Variants in ABCA13 observed in about 807,000 individuals in gnomAD.
ABCA13 encodes the protein ATP binding cassette subfamily A member 13, also known as ATP-binding cassette sub-family A member 13.
A neutral mutation model predicts 478.7 loss-of-function variants in ABCA13; 476 were observed. The ratio of observed to expected loss-of-function variants is 0.99; its 90% CI spans 0.92 to 1.07. The LOEUF (loss-of-function observed/expected upper bound fraction) is 1.07, where lower values mean the gene tolerates loss of function less well. Ranked by LOEUF, ABCA13 falls within the 50% of genes least tolerant of loss-of-function variation. The pLI is 0.00. For missense variants in ABCA13, 6,060 were observed against 5,910.6 expected (o/e 1.03, Z -0.83); for synonymous variants, 2,252 against 2,158.9 (o/e 1.04, Z -1.20).
At chr7:48,445,780 G>C (rs904300300) in intron 42 of ABCA13, among the ~76,000 whole-genome samples, 1 of 152,024 alleles carries the variant, frequency 6.6e-6, no homozygotes, top group Non-Finnish European at 1.5e-5. Flanking sequence ...GAGCTATCTC[G>C]TGTGTGGCTG....
rs558543202 is a variant in ABCA13, at chr7:48,363,809, A to G, written c.10689-3985A>G. Among the ~76,000 whole-genome samples, 6 of 151,970 alleles carry G rather than the reference A, an allele frequency of 3.9e-5. No individual in the cohort carries two copies. The East Asian group carries it at 1.2e-3, about 29-fold the overall frequency. On this transcript the variant is annotated intron_variant, in intron 31 of 61. Coordinates refer to ENST00000435803, the MANE Select transcript of ABCA13 (RefSeq NM_152701.5). ...TTTTATATCTTTCTGCTACTTTACCATCTCATTAACTCAATTCTAATGATT... is the reference window on the plus strand; with the variant it reads ...TTTTATATCTTTCTGCTACTTTACCGTCTCATTAACTCAATTCTAATGATT...
chr7:48,299,093 C>T (rs1176606691), intron 23 of ABCA13, among the ~76,000 whole-genome samples: 2 of 152,138 alleles, frequency 1.3e-5, no homozygotes, highest in African/African-American at 2.4e-5. Context: ...AAAAGGGGAA[C>T]GGGGACATCT....
chr7:48,337,288 A>G (rs1806416329), intron 28 of ABCA13, among the ~76,000 whole-genome samples: 1 of 152,176 alleles, frequency 6.6e-6, no homozygotes, highest in African/African-American at 2.4e-5. Context: ...GTAAAAGACA[A>G]CAGTACCCTC....
intron 42 of ABCA13, 46 bp downstream of exon 42, chr7:48,427,917 C>G: frequency 2.5e-5 from 33 of 1,304,806 alleles, no homozygotes; most frequent in Non-Finnish European, 3.5e-5. Context: ...GGAACAATGA[C>G]ACCAGCCTTA....
chr7:48,187,125 G>A (rs1437929776), intron 1 of ABCA13, among the ~76,000 whole-genome samples: 2 of 149,198 alleles, frequency 1.3e-5, no homozygotes, highest in African/African-American at 4.9e-5. Context: ...GTTGTTTAAA[G>A]GCCATTTAGC....
At chr7:48,202,948 C>T (rs1799012193) in intron 3 of ABCA13, among the ~76,000 whole-genome samples, 1 of 152,214 alleles carries the variant, frequency 6.6e-6, no homozygotes, top group Admixed American at 6.5e-5. Context: ...TGGGACTGGG[C>T]GCCGTGGAGC....
At chr7:48,357,017 G>C (rs1810033030) in intron 31 of ABCA13, among the ~76,000 whole-genome samples, 1 of 151,888 alleles carries the variant, frequency 6.6e-6, no homozygotes, top group Non-Finnish European at 1.5e-5. Context: ...CCACCACCCT[G>C]GGGTGGGTTC....
At chr7:48,364,845 T>A (rs1811431948) in intron 31 of ABCA13, among the ~76,000 whole-genome samples, 2 of 152,226 alleles carry the variant, frequency 1.3e-5, no homozygotes. Context: ...ATCTTAGCTA[T>A]TGTGAATAAG....
In ABCA13 at chr7:48,279,148, A is replaced by G. The variant is rs2128772610; in HGVS notation, c.7954A>G (p.Met2652Val). The change falls in exon 18 of 62, where the codon ATG (methionine) becomes GTG (valine). Residue 2652 changes from methionine (M) to valine (V), a missense_variant. Around this residue, in one of 3 missense-constraint regions of ABCA13, gnomAD observed 4,423 missense variants for 4,309.1 expected, o/e 1.03. Transcript: ENST00000435803. ...ATCTGTGAAAATGAACTTGGAAGAT[A>G]TGAGGAGTCTTGCGGTAGCATTTAA... ...LTSVKMNLED[M>V]RSLAVAFNNE... 2 of 1,606,610 alleles carry G rather than the reference A, an allele frequency of 1.2e-6. No homozygotes were observed. The highest frequency in any genetic ancestry group is 1.7e-6 in the Non-Finnish European group (2 of 1,176,822).
intron 15 of ABCA13, among the ~76,000 whole-genome samples, chr7:48,255,718 C>T (rs1349570757): frequency 6.6e-6 from 1 of 152,168 alleles, no homozygotes; most frequent in Non-Finnish European, 1.5e-5. Flanking sequence ...TCTTGATGGA[C>T]ATCTAGCTGG....
intron 48 of ABCA13, among the ~76,000 whole-genome samples, chr7:48,502,961 C>G (rs1449919204): frequency 1.3e-5 from 2 of 152,288 alleles, no homozygotes; most frequent in East Asian, 1.9e-4. Context: ...TTTAATTAAT[C>G]CTTTTTTTGT....
chr7:48,542,754 A>C (rs2131138722), intron 55 of ABCA13, among the ~76,000 whole-genome samples: 1 of 151,836 alleles, frequency 6.6e-6, no homozygotes, highest in East Asian at 1.9e-4. Context: ...TCCTCTAGCA[A>C]GTTTTATAGA....
At chr7:48,222,202 C>G (rs1291729647) in intron 5 of ABCA13, among the ~76,000 whole-genome samples, 1 of 152,156 alleles carries the variant, frequency 6.6e-6, no homozygotes, top group Admixed American at 6.5e-5. Flanking sequence ...TTGGAGATTT[C>G]TGATGCACCA....
chr7:48,370,441 T>C (rs896961125), intron 32 of ABCA13, among the ~76,000 whole-genome samples: 1 of 152,146 alleles, frequency 6.6e-6, no homozygotes, highest in Non-Finnish European at 1.5e-5. Flanking sequence ...TGAATAGTAG[T>C]GGTGAAAGTG....
chr7:48,255,179 G>C (rs919226178), intron 15 of ABCA13, among the ~76,000 whole-genome samples: 2 of 152,162 alleles, frequency 1.3e-5, no homozygotes, highest in Non-Finnish European at 2.9e-5. Flanking sequence ...GAGTGAGAAA[G>C]GCTGTGCCTG....
intron 53 of ABCA13, among the ~76,000 whole-genome samples, chr7:48,521,005 G>A (rs1832507527): frequency 6.6e-6 from 1 of 152,186 alleles, no homozygotes; most frequent in South Asian, 2.1e-4. Flanking sequence ...GAGGTCGAAA[G>A]TCAGTAGCAT....
chr7:48,181,588 C>A (rs1389737713), intron 1 of ABCA13, among the ~76,000 whole-genome samples: 1 of 151,426 alleles, frequency 6.6e-6, no homozygotes, highest in Non-Finnish European at 1.5e-5. Flanking sequence ...TTCAAGTAGC[C>A]TAATGCCCTT....
intron 58 of ABCA13, among the ~76,000 whole-genome samples, chr7:48,612,934 T>C (rs1792171403): frequency 6.6e-6 from 1 of 152,040 alleles, no homozygotes; most frequent in Non-Finnish European, 1.5e-5. Context: ...CCCTCGTTTT[T>C]CTCTACAATA....
chr7:48,434,663 A>T (rs1822585930), intron 42 of ABCA13, among the ~76,000 whole-genome samples: 1 of 151,680 alleles, frequency 6.6e-6, no homozygotes, highest in Non-Finnish European at 1.5e-5. Flanking sequence ...AAGGTCTTTG[A>T]TTTATTTTGA....
Sources: allele counts gnomAD v4.1 joint callset (sites outside exome capture counted in the v4.1 genomes callset), GRCh38; gene constraint gnomAD v4.1.1; regional missense constraint gnomAD v4.1.1; transcripts MANE v1.5; gene names NCBI Gene and HGNC (gene_info 2026-07-23, HGNC 2026-07-21).